The following MARK1 variants were observed in gnomAD, a reference collection of about 807,000 sequenced individuals.
MARK1 encodes the protein microtubule affinity regulating kinase 1.
In MARK1, 40 loss-of-function variants were observed where a neutral mutation model predicts 96.3. The ratio of observed to expected loss-of-function variants is 0.42; its 90% confidence interval spans 0.32 to 0.54. The LOEUF (loss-of-function observed/expected upper bound fraction) is 0.54. MARK1 is among the 20% of genes least tolerant of loss of function. The pLI is 0.16. For missense variants in MARK1, 719 were observed against 984.6 expected (o/e 0.73, Z 3.61); for synonymous variants, 317 against 341.2 (o/e 0.93, Z 0.78).
Position 220,528,759 on chromosome 1 carries a change from C to T in MARK1, c.-64C>T. On this transcript the variant is annotated 5_prime_UTR_variant, in exon 1 of 18. Transcript: ENST00000366917. ...CGCGTCCGCACCCCTTTCCTGTCGC[C>T]CCCCGGGGCCCGCACCACAGCCCGG... is the stretch of plus-strand genomic sequence containing the variant. 1 of 1,487,582 alleles carries T rather than the reference C, an allele frequency of 6.7e-7. No homozygotes were observed. The highest frequency in any genetic ancestry group is 9.1e-7 in the Non-Finnish European group (1 of 1,100,162). The allele number at this position is 1,487,582 out of a possible 1,614,324, so 92.1% of individuals were successfully genotyped here. A position where few individuals can be genotyped will look rare whatever the true frequency, so the allele number is the denominator to read the frequency against.
chr1:220,598,550 A>C (rs2253641), intron 4 of MARK1, among the ~76,000 whole-genome samples, 171 bp downstream of exon 4: 28,007 of 151,406 alleles, frequency 0.18, 3,300 homozygotes, highest in East Asian at 0.36. Context: ...GGGTAAAAAT[A>C]GATTACAAAG....
intron 6 of MARK1, among the ~76,000 whole-genome samples, chr1:220,605,439 C>T (rs904128167): frequency 6.6e-6 from 1 of 151,916 alleles, no homozygotes; most frequent in Non-Finnish European, 1.5e-5. Context: ...TTCAAGCTTA[C>T]CCTTAAATAA....
intron 5 of MARK1, among the ~76,000 whole-genome samples, chr1:220,600,274 A>G (rs191565227): frequency 8.2e-4 from 125 of 152,300 alleles, no homozygotes; most frequent in African/African-American, 2.9e-3. Flanking sequence ...CTGATTGTTC[A>G]CATATGACAG....
At chr1:220,593,620 G>A (rs1398406409) in intron 3 of MARK1, among the ~76,000 whole-genome samples, 1 of 152,182 alleles carries the variant, frequency 6.6e-6, no homozygotes, top group Non-Finnish European at 1.5e-5. Context: ...CAGCCTGGGA[G>A]TCTCTGGGCA....
At chr1:220,547,983 T>C (rs1159316181) in intron 1 of MARK1, among the ~76,000 whole-genome samples, 2 of 152,250 alleles carry the variant, frequency 1.3e-5, no homozygotes, top group African/African-American at 4.8e-5. Flanking sequence ...CTTTGCAGAA[T>C]TGCTTACCTT....
chr1:220,598,333 A>C lies in MARK1; in HGVS notation c.312A>C (p.Leu104Phe). 1 of 627,584 alleles carries C rather than the reference A, an allele frequency of 1.6e-6. No individual in the cohort carries two copies. The highest frequency in any genetic ancestry group is 2.7e-6 in the Non-Finnish European group (1 of 366,424). The allele number at this position is 627,584 out of a possible 1,614,324, so 38.9% of individuals were successfully genotyped here. Residue 104 changes from leucine (L) to phenylalanine (F), a missense_variant and splice_region_variant, in exon 4 of 18, where the codon TTA becomes TTC. By Grantham distance (22) the Leu-to-Phe change is conservative. This residue lies in a region of MARK1 where 105 missense variants were observed against 133.4 expected (regional missense o/e 0.79). Transcript: ENST00000366917. ...TATCTACCTGTTTTCTTTAACAGTT[A>C]TTTCGAGAAGTACGAATAATGAAGA... ...TQLNPTSLQKLFREVRIMKIL... is the reference protein window; with the variant it reads ...TQLNPTSLQKFFREVRIMKIL...
intron 1 of MARK1, among the ~76,000 whole-genome samples, chr1:220,548,327 C>T (rs1471184902): frequency 2.6e-5 from 4 of 152,092 alleles, no homozygotes; most frequent in Non-Finnish European, 4.4e-5. Context: ...TGATTATTAG[C>T]TTATATTAGG....
intron 1 of MARK1, among the ~76,000 whole-genome samples, chr1:220,538,864 CTGTT>C (rs1272730452): frequency 6.7e-6 from 1 of 149,544 alleles, no homozygotes; most frequent in Non-Finnish European, 1.5e-5. Context: ...ATTTGGCTCT[CTGTT>C]TGTCTGTTAT....
intron 1 of MARK1, among the ~76,000 whole-genome samples, chr1:220,536,989 T>C (rs1283431668): frequency 1.3e-5 from 2 of 152,138 alleles, no homozygotes; most frequent in African/African-American, 4.8e-5. Context: ...GTTATTTTTT[T>C]TTTTCAGTTT....
chr1:220,586,011 A>ACACACGCACGCACGCACGCACGCGCG, intron 3 of MARK1, among the ~76,000 whole-genome samples: 1 of 148,636 alleles, frequency 6.7e-6, no homozygotes, highest in African/African-American at 2.6e-5. Context: ...ACACACACAC[A>ACACACGCACGCACGCACGCACGCGCG]CGCGCGCGTG....
intron 6 of MARK1, among the ~76,000 whole-genome samples, chr1:220,610,277 T>G (rs1235740609): frequency 6.6e-6 from 1 of 152,214 alleles, no homozygotes; most frequent in Non-Finnish European, 1.5e-5. Flanking sequence ...TAACCTTATC[T>G]TCTCGCTTTA....
chr1:220,549,451 G>C (rs1452752054), intron 1 of MARK1, among the ~76,000 whole-genome samples: 1 of 152,046 alleles, frequency 6.6e-6, no homozygotes, highest in South Asian at 2.1e-4. Context: ...TGCATCTCAG[G>C]GTTCCTGAAT....
intron 3 of MARK1, among the ~76,000 whole-genome samples, chr1:220,591,840 A>G (rs1665002960): frequency 6.6e-6 from 1 of 152,054 alleles, no homozygotes; most frequent in African/African-American, 2.4e-5. Flanking sequence ...TACCCTTCCT[A>G]CTATTTCCAG....
intron 13 of MARK1, among the ~76,000 whole-genome samples, chr1:220,648,079 AAC>A (rs1406555916): frequency 1.3e-5 from 2 of 152,022 alleles, no homozygotes; most frequent in African/African-American, 4.8e-5. Context: ...AAAAAAAAGA[AAC>A]AACATTTTAA....
intron 1 of MARK1, among the ~76,000 whole-genome samples, chr1:220,560,243 T>A (rs893055080): frequency 1.3e-5 from 2 of 152,172 alleles, no homozygotes; most frequent in African/African-American, 2.4e-5. Context: ...GGAGCTCCAA[T>A]TCAGGATGAG....
In MARK1 at chr1:220,544,069, T is replaced by C. The variant is rs182174815; in HGVS notation, c.51+15196T>C. On this transcript the variant is annotated intron_variant, in intron 1 of 17. Transcript: ENST00000366917. ...GACAACAGTAGAAAATATCAGGGAA[T>C]TTTCTGTAAGTAGTAAGGTACATGC... Among the ~76,000 whole-genome samples, 62 of 152,284 alleles carry C rather than the reference T, an allele frequency of 4.1e-4. No individual in the cohort carries two copies. The East Asian group carries it at 6.7e-3, about 17-fold the overall frequency.
At chr1:220,581,004 A>C in intron 2 of MARK1, 61 bp from the exon 3 acceptor site, 1 of 669,710 alleles carries the variant, frequency 1.5e-6, no homozygotes, top group Non-Finnish European at 2.3e-6. Context: ...GGATTTTTTG[A>C]AAGTTTTATT....
At chr1:220,599,649 T>G (rs1280650867) in intron 4 of MARK1, 149 bp from the exon 5 acceptor site, 1 of 441,926 alleles carries the variant, frequency 2.3e-6, no homozygotes, top group Non-Finnish European at 4.0e-6. Flanking sequence ...AGTAATAATC[T>G]TTGAGAGACT....
chr1:220,660,443 A>G (rs543091037), intron 17 of MARK1, among the ~76,000 whole-genome samples: 15 of 152,300 alleles, frequency 9.8e-5, no homozygotes, highest in African/African-American at 3.4e-4. Flanking sequence ...TAATATATAT[A>G]AAATTACACA....
Sources: gnomAD v4.1 joint callset for allele counts (sites outside exome capture counted in the v4.1 genomes callset) on GRCh38, gnomAD v4.1.1 for gene constraint, gnomAD v4.1.1 regional missense constraint, MANE v1.5 for transcripts, NCBI Gene and HGNC (gene_info 2026-07-23, HGNC 2026-07-21) for gene names.